Variants in AKR1B1 observed in about 807,000 individuals in gnomAD.
The protein encoded by AKR1B1 is aldo-keto reductase family 1 member B.
In AKR1B1, 22 loss-of-function variants were observed where a neutral mutation model predicts 40.4. The ratio of observed to expected loss-of-function variants is 0.54; its 90% confidence interval spans 0.39 to 0.78. The LOEUF is 0.78. AKR1B1 is among the 30% of genes least tolerant of loss of function. The pLI is 0.00. For synonymous variants in AKR1B1, 157 were observed against 149.9 expected (o/e 1.05, Z -0.35); for missense variants, 357 against 396.7 (o/e 0.90, Z 0.85).
At chr7:134,458,456 G>A (rs182689056) in intron 1 of AKR1B1, among the ~76,000 whole-genome samples, 1 of 152,248 alleles carries the variant, frequency 6.6e-6, no homozygotes, top group Admixed American at 6.5e-5. Context: ...GCCCTCTACC[G>A]GCTTGAGATG....
Position 134,448,233 on chromosome 7 carries a change from G to C in AKR1B1, c.659+154C>G, listed in dbSNP as rs1315593995. On this transcript the variant is annotated intron_variant, in intron 6 of 9. Coordinates refer to ENST00000285930, the MANE Select transcript of AKR1B1 (RefSeq NM_001628.4). ...AAAAAGAGTAGGTGTCTTGCTACTA[G>C]AAACTCCAACCCTTCCAGGAAAACC... is the stretch of plus-strand genomic sequence containing the variant. 2.6e-5 allele frequency among the ~76,000 whole-genome samples: 4 copies of C among 152,264 alleles called. No homozygotes were observed. In the East Asian group the frequency reaches 7.7e-4, roughly 29 times the overall value.
chr7:134,445,392 A>C (rs1041981342), intron 8 of AKR1B1, 72 bp from the exon 9 acceptor site: 20 of 1,282,800 alleles, frequency 1.6e-5, no homozygotes, highest in Non-Finnish European at 2.1e-5. Context: ...TGCAGGACCC[A>C]GATGTCTTCC....
chr7:134,454,182 T>C (rs1307325978), intron 1 of AKR1B1, among the ~76,000 whole-genome samples: 1 of 152,240 alleles, frequency 6.6e-6, no homozygotes, highest in African/African-American at 2.4e-5. Flanking sequence ...CTGTGTGCCC[T>C]TGATGGGCAA....
Position 134,448,482 on chromosome 7 carries a change from G to T in AKR1B1, c.564C>A (p.His188Gln). 1 of 1,613,540 alleles carries T rather than the reference G, an allele frequency of 6.2e-7. No individual in the cohort carries two copies. Among genetic ancestry groups the T allele is most frequent in the East Asian group, 2.2e-5 (1 of 44,870 alleles). Residue 188 changes from histidine (H) to glutamine (Q), a missense_variant, in exon 6 of 10, where the codon CAC becomes CAA. Physicochemically the swap from His to Gln is conservative, Grantham distance 24. Coordinates refer to ENST00000285930, the MANE Select transcript of AKR1B1 (RefSeq NM_001628.4). ...TTAACTTCTCCTGAGTGAGATATGG[G>T]TGGCACTCAATCTGCAAATGCAAAA... ...YKPAVNQIECHPYLTQEKLIQ... is the reference protein window; with the variant it reads ...YKPAVNQIECQPYLTQEKLIQ...
At chr7:134,456,944 T>C (rs1806489087) in intron 1 of AKR1B1, among the ~76,000 whole-genome samples, 1 of 152,166 alleles carries the variant, frequency 6.6e-6, no homozygotes, top group Non-Finnish European at 1.5e-5. Flanking sequence ...CTCCTCAGCC[T>C]GGACAACATA....
intron 8 of AKR1B1, among the ~76,000 whole-genome samples, chr7:134,447,080 G>A (rs553966591): frequency 6.6e-5 from 10 of 152,312 alleles, no homozygotes; most frequent in Middle Eastern, 3.4e-3. Context: ...AGGTGTATGC[G>A]TGCACAGCAC....
chr7:134,452,329 A>G (rs1476354604), intron 1 of AKR1B1, among the ~76,000 whole-genome samples: 3 of 152,204 alleles, frequency 2.0e-5, no homozygotes, highest in Admixed American at 6.5e-5. Flanking sequence ...CCATGTGTCA[A>G]TTCTCACTGT....
chr7:134,449,908 G>T, intron 3 of AKR1B1, 111 bp from the exon 4 acceptor site: 1 of 890,276 alleles, frequency 1.1e-6, no homozygotes, highest in Non-Finnish European at 1.9e-6. Flanking sequence ...AGCTGGCTAG[G>T]GATAATCTGT....
chr7:134,452,523 A>G (rs1806319315), intron 1 of AKR1B1, among the ~76,000 whole-genome samples: 1 of 152,208 alleles, frequency 6.6e-6, no homozygotes, highest in South Asian at 2.1e-4. Flanking sequence ...CCATCTGAGT[A>G]ACCAGAACAG....
chr7:134,442,787 GA>G lies in AKR1B1; in HGVS notation c.909-18del, dbSNP rs760545088. 3.1e-6 allele frequency: 5 copies of G among 1,613,688 alleles called. No individual in the cohort carries two copies. Among genetic ancestry groups the G allele is most frequent in the Admixed American group, 1.7e-5 (1 of 60,014 alleles). ...GAGGTACAGCTGTCAGGAGAAAGGA[GA>G]AAACAGTTGCTTTTTGAAGAGGTGA... On this transcript the variant is annotated intron_variant, in intron 9 of 9. Coordinates refer to ENST00000285930, the MANE Select transcript of AKR1B1 (RefSeq NM_001628.4).
intron 8 of AKR1B1, among the ~76,000 whole-genome samples, chr7:134,447,028 G>A (rs991679671): frequency 4.6e-5 from 7 of 152,294 alleles, no homozygotes; most frequent in African/African-American, 1.2e-4. Context: ...GATTCTCCCC[G>A]GGTAACCTCT....
chr7:134,449,686 C>T, intron 4 of AKR1B1, 34 bp downstream of exon 4: 1 of 1,558,394 alleles, frequency 6.4e-7, no homozygotes. Context: ...GGGAACCAGT[C>T]ACGAAAACAA....
rs1806264172 is a variant in AKR1B1, at chr7:134,450,864, TCC to T, written c.271_272del (p.Gly91SerfsTer26). The T allele has an allele frequency of 2.5e-6, 4 of 1,614,028 alleles. No homozygotes were observed. The Admixed American group carries it at 5.0e-5, about 20-fold the overall frequency. Reference protein sequence around the residue: ...CTYHEKGLVKGACQKTLSDLK... With the variant: ...CTYHEKGLVKXACQKTLSDLK... ...GGTCGCTGAGTGTCTTCTGGCAGGC[TCC>T]TTTCACCAGGCCCTTCTCATGGTAC... On this transcript the variant is annotated frameshift_variant, in exon 3 of 10. Transcript: ENST00000285930. LOFTEE classifies it high-confidence loss of function.
chr7:134,449,307 C>G, intron 4 of AKR1B1, 188 bp from the exon 5 acceptor site: 1 of 810,366 alleles, frequency 1.2e-6, no homozygotes, highest in Non-Finnish European at 2.0e-6. Context: ...AGCAAACAGG[C>G]CGGGCGCGGT....
intron 9 of AKR1B1, among the ~76,000 whole-genome samples, chr7:134,443,765 C>A (rs969683715): frequency 6.6e-6 from 1 of 152,098 alleles, no homozygotes; most frequent in Admixed American, 6.5e-5. Flanking sequence ...GTCTGTAACT[C>A]TTATTCAAAA....
chr7:134,445,328 A>C lies in AKR1B1; in HGVS notation c.826-8T>G. 1.9e-6 allele frequency: 3 copies of C among 1,609,912 alleles called. No individual in the cohort carries two copies. The South Asian group carries it at 3.3e-5, about 18-fold the overall frequency. On this transcript the variant is annotated splice_region_variant and splice_polypyrimidine_tract_variant and intron_variant, in intron 8 of 9. Transcript: ENST00000285930. Reference sequence around the variant, plus strand: ...CAGTTCAAAGTCAAAGACCTAAAAAACAAACAAAAAAATCCAGTAAGCTCT... The same window carrying C: ...CAGTTCAAAGTCAAAGACCTAAAAACCAAACAAAAAAATCCAGTAAGCTCT...
intron 1 of AKR1B1, among the ~76,000 whole-genome samples, chr7:134,457,289 C>T (rs1806500616): frequency 6.6e-6 from 1 of 152,142 alleles, no homozygotes; most frequent in African/African-American, 2.4e-5. Context: ...AGGTTAAGTA[C>T]TGTTAAGTAA....
Position 134,459,093 on chromosome 7 carries a change from T to G in AKR1B1, c.-31A>C. The G allele has an allele frequency of 6.3e-7, 1 of 1,590,300 alleles. No homozygotes were observed. The highest frequency in any genetic ancestry group is 8.6e-7 in the Non-Finnish European group (1 of 1,169,088). ...CTGCGCTCCCCAGACCCCCGCCCAG[T>G]ACGGTGCGGCCTTGGCCGCGGCGCG... On this transcript the variant is annotated 5_prime_UTR_variant, in exon 1 of 10. Coordinates refer to ENST00000285930, the MANE Select transcript of AKR1B1 (RefSeq NM_001628.4).
intron 1 of AKR1B1, among the ~76,000 whole-genome samples, chr7:134,458,345 T>C (rs971202866): frequency 6.6e-6 from 1 of 152,052 alleles, no homozygotes; most frequent in African/African-American, 2.4e-5. Context: ...TTCTCCCGAG[T>C]TCCAGACCCA....
Sources: allele counts gnomAD v4.1 joint callset (sites outside exome capture counted in the v4.1 genomes callset), GRCh38; gene constraint gnomAD v4.1.1; transcripts MANE v1.5; gene names NCBI Gene and HGNC (gene_info 2026-07-23, HGNC 2026-07-21).